SORBS2: variants seen among roughly 807,000 people sequenced by gnomAD.
SORBS2 encodes the protein sorbin and SH3 domain containing 2, also known as sorbin and SH3 domain-containing protein 2.
In SORBS2, 46 loss-of-function variants were observed where a neutral mutation model predicts 97.7. The ratio of observed to expected loss-of-function variants is 0.47; its 90% CI spans 0.37 to 0.60. The LOEUF (loss-of-function observed/expected upper bound fraction) is 0.60. Ranked by LOEUF, SORBS2 falls within the 20% of genes least tolerant of loss-of-function variation. The pLI, the probability that SORBS2 is intolerant of heterozygous loss-of-function variation, is 0.00. For synonymous variants in SORBS2, 476 were observed against 473.4 expected (o/e 1.01, Z -0.07); for missense variants, 1,316 against 1,282.3 (o/e 1.03, Z -0.40).
At chr4:185,865,481 T>C (rs2099226364) in intron 1 of SORBS2, among the ~76,000 whole-genome samples, 1 of 152,126 alleles carries the variant, frequency 6.6e-6, no homozygotes, top group Non-Finnish European at 1.5e-5. Context: ...CGGTCTCCCT[T>C]GAGAACTGGT....
intron 1 of SORBS2, among the ~76,000 whole-genome samples, chr4:185,860,983 T>G (rs2099223395): frequency 6.6e-6 from 1 of 152,148 alleles, no homozygotes; most frequent in Non-Finnish European, 1.5e-5. Flanking sequence ...GGGAAAGGGG[T>G]TCTCTGTAGA....
At chr4:185,652,383 A>C (rs1226977690) in intron 2 of SORBS2, among the ~76,000 whole-genome samples, 1 of 152,136 alleles carries the variant, frequency 6.6e-6, no homozygotes, top group Non-Finnish European at 1.5e-5. Flanking sequence ...CAGGCAACAC[A>C]CCAATTTAGA....
intron 4 of SORBS2, among the ~76,000 whole-genome samples, chr4:185,666,380 A>G (rs934855833): frequency 6.6e-6 from 1 of 152,222 alleles, no homozygotes; most frequent in Non-Finnish European, 1.5e-5. Context: ...GAAAACAGGA[A>G]GAAAGTGAAT....
chr4:185,879,242 T>C (rs2099235614), intron 1 of SORBS2, among the ~76,000 whole-genome samples: 1 of 146,362 alleles, frequency 6.8e-6, no homozygotes, highest in Non-Finnish European at 1.5e-5. Flanking sequence ...ATTGTTCAAT[T>C]CCCACCTATG....
At chr4:185,689,944 C>T (rs1191554616) in intron 2 of SORBS2, among the ~76,000 whole-genome samples, 1 of 152,164 alleles carries the variant, frequency 6.6e-6, no homozygotes, top group Admixed American at 6.5e-5. Flanking sequence ...AAATTATAAG[C>T]CAAATTATTT....
chr4:185,652,009 C>T lies in SORBS2; in HGVS notation c.91+653G>A, dbSNP rs960905502. ...AGAGACAGGGTTTTACCCTGTCGTC[C>T]AGTCTGGAGTGCAGTGGTGATCATT... On this transcript the variant is annotated intron_variant, in intron 2 of 14. Coordinates refer to ENST00000418609, the Ensembl canonical transcript of SORBS2. 7.2e-5 allele frequency among the ~76,000 whole-genome samples: 11 copies of T among 152,028 alleles called. No homozygotes were observed. In the East Asian group the frequency reaches 1.4e-3, roughly 19 times the overall value.
intron 2 of SORBS2, among the ~76,000 whole-genome samples, chr4:185,754,077 A>T (rs2098816795): frequency 6.6e-6 from 1 of 152,236 alleles, no homozygotes. Context: ...GACTTGATAA[A>T]GAAGATATGG....
chr4:185,852,438 A>C (rs2099218429), intron 1 of SORBS2, among the ~76,000 whole-genome samples: 1 of 152,216 alleles, frequency 6.6e-6, no homozygotes, highest in African/African-American at 2.4e-5. Flanking sequence ...CACCAACCAA[A>C]AAATGGAGTC....
chr4:185,631,063 A>G (rs949324283), intron 4 of SORBS2, among the ~76,000 whole-genome samples: 1 of 152,234 alleles, frequency 6.6e-6, no homozygotes, highest in Admixed American at 6.5e-5. Flanking sequence ...GTTGTTACCA[A>G]GTATTGTCTT....
At chr4:185,692,020 TTA>T (rs1230846782) in intron 2 of SORBS2, among the ~76,000 whole-genome samples, 1 of 152,236 alleles carries the variant, frequency 6.6e-6, no homozygotes, top group African/African-American at 2.4e-5. Flanking sequence ...GAAAAAGGTT[TTA>T]AATATTGTGT....
chr4:185,610,273 A>G (rs6552897), intron 12 of SORBS2, among the ~76,000 whole-genome samples: 1 of 151,960 alleles, frequency 6.6e-6, no homozygotes, highest in South Asian at 2.1e-4. Context: ...TGTGATAGTT[A>G]TTTAAAGATG....
intron 1 of SORBS2, among the ~76,000 whole-genome samples, chr4:185,855,264 T>C (rs2099220148): frequency 6.6e-6 from 1 of 152,188 alleles, no homozygotes; most frequent in Non-Finnish European, 1.5e-5. Flanking sequence ...TTTGAAGCTG[T>C]GCATAGGGTA....
At chr4:185,611,719 A>T in intron 12 of SORBS2, 61 bp downstream of exon 24, 1 of 1,315,166 alleles carries the variant, frequency 7.6e-7, no homozygotes, top group Non-Finnish European at 1.1e-6. Flanking sequence ...CTAAAGTCAC[A>T]CACCGATTAT....
intron 1 of SORBS2, among the ~76,000 whole-genome samples, chr4:185,890,047 C>A (rs2099241670): frequency 6.6e-6 from 1 of 152,066 alleles, no homozygotes; most frequent in African/African-American, 2.4e-5. Flanking sequence ...CCACCATGCC[C>A]AGCTAATTTT....
At chr4:185,635,846 A>ATTATT (rs36222022) in intron 4 of SORBS2, among the ~76,000 whole-genome samples, 6 of 150,382 alleles carry the variant, frequency 4.0e-5, no homozygotes, top group Admixed American at 6.6e-5. Flanking sequence ...TTCTTTTTGA[A>ATTATT]TTATTTTATT....
chr4:185,791,135 A>T (rs1285776519), intron 1 of SORBS2, among the ~76,000 whole-genome samples: 1 of 152,252 alleles, frequency 6.6e-6, no homozygotes, highest in Non-Finnish European at 1.5e-5. Flanking sequence ...TTCAATACTT[A>T]AAACCTACAT....
At chr4:185,718,975 T>C (rs556016183) in intron 2 of SORBS2, among the ~76,000 whole-genome samples, 8 of 152,324 alleles carry the variant, frequency 5.3e-5, no homozygotes, top group Non-Finnish European at 1.2e-4. Context: ...AGGTAAATGA[T>C]TTATTTTTGC....
intron 1 of SORBS2, among the ~76,000 whole-genome samples, chr4:185,820,071 A>G (rs2099195784): frequency 6.6e-6 from 1 of 152,206 alleles, no homozygotes; most frequent in Non-Finnish European, 1.5e-5. Context: ...TCTTTGATTT[A>G]TGGTGCGGCA....
chr4:185,831,697 G>A (rs142746080), intron 1 of SORBS2, among the ~76,000 whole-genome samples: 73 of 152,292 alleles, frequency 4.8e-4, no homozygotes, highest in Middle Eastern at 6.8e-3. Context: ...CCAAGACAGA[G>A]TCCTTTCCCT....
Sources: gnomAD v4.1 joint callset for allele counts (sites outside exome capture counted in the v4.1 genomes callset) on GRCh38, gnomAD v4.1.1 for gene constraint, MANE v1.5 for transcripts, NCBI Gene and HGNC (gene_info 2026-07-23, HGNC 2026-07-21) for gene names.